The following SPOCK3 variants were observed in gnomAD, a reference collection of about 807,000 sequenced individuals.
SPOCK3 encodes SPARC (osteonectin), cwcv and kazal like domains proteoglycan 3.
In SPOCK3, 30 loss-of-function variants were observed where a neutral mutation model predicts 56.6. That is an observed-to-expected ratio of 0.53 (90% CI 0.40 to 0.72). The LOEUF is 0.72. Ranked by LOEUF, SPOCK3 falls within the 30% of genes least tolerant of loss-of-function variation. The pLI, the probability that SPOCK3 is intolerant of heterozygous loss-of-function variation, is 0.00. For missense variants in SPOCK3, 527 were observed against 530.0 expected (o/e 0.99, Z 0.06); for synonymous variants, 196 against 183.3 (o/e 1.07, Z -0.56).
chr4:167,006,739 C>A (rs1031998793), intron 3 of SPOCK3, among the ~76,000 whole-genome samples: 1 of 152,226 alleles, frequency 6.6e-6, no homozygotes, highest in Non-Finnish European at 1.5e-5. Context: ...TAATTTTTCA[C>A]TATTTTTAAA....
At chr4:166,830,475 G>C (rs574262448) in intron 6 of SPOCK3, among the ~76,000 whole-genome samples, 1 of 152,256 alleles carries the variant, frequency 6.6e-6, no homozygotes, top group Admixed American at 6.5e-5. Flanking sequence ...GCAGGGCGCA[G>C]TGTTTACTCC....
Position 166,812,027 on chromosome 4 carries a change from C to A in SPOCK3, c.590-19738G>T, listed in dbSNP as rs946640365. 2.0e-5 allele frequency among the ~76,000 whole-genome samples: 3 copies of A among 151,750 alleles called. No individual in the cohort carries two copies. In the South Asian group the frequency reaches 6.2e-4, roughly 31 times the overall value. On this transcript the variant is annotated intron_variant, in intron 6 of 10. Coordinates refer to ENST00000357545, the MANE Select transcript of SPOCK3 (RefSeq NM_001040159.2). ...TTGCTCATTTTGTTGCATACTTTAA[C>A]AAATATTTAATCGGAACATTAAAGA...
intron 5 of SPOCK3, among the ~76,000 whole-genome samples, chr4:166,899,508 C>CTTTCTTTTT (rs1553997547): frequency 3.4e-5 from 4 of 119,100 alleles, no homozygotes; most frequent in South Asian, 2.7e-4. Flanking sequence ...TTCTTTCTTT[C>CTTTCTTTTT]TTTTTTTTTT....
At chr4:166,876,781 T>C (rs1579508101) in intron 6 of SPOCK3, among the ~76,000 whole-genome samples, 1 of 152,234 alleles carries the variant, frequency 6.6e-6, no homozygotes. Flanking sequence ...ACATAAAATA[T>C]ATGTAGGTGA....
chr4:167,101,485 G>T (rs1478861455), intron 2 of SPOCK3, among the ~76,000 whole-genome samples: 1 of 151,782 alleles, frequency 6.6e-6, no homozygotes, highest in African/African-American at 2.4e-5. Flanking sequence ...TCAATGTATG[G>T]TTCTCTACAT....
At chr4:166,737,674 G>GAAGC in intron 9 of SPOCK3, 70 bp from the exon 10 acceptor site, 1 of 1,507,372 alleles carries the variant, frequency 6.6e-7, no homozygotes. Flanking sequence ...TCCTTTCTGA[G>GAAGC]AAGCACCCAT....
In SPOCK3 at chr4:166,943,354, G is replaced by A. The variant is rs559838365; in HGVS notation, c.351-30611C>T. On this transcript the variant is annotated intron_variant, in intron 4 of 10. Transcript: ENST00000357545. ...TCCCCAGGCAGTGAGAAAACACATT[G>A]AGCCATGCATATCTTCTGCAGGCAT... Among the ~76,000 whole-genome samples, 4 of 152,210 alleles carry A rather than the reference G, an allele frequency of 2.6e-5. 1 individual carries two copies. The highest frequency in any genetic ancestry group is 4.1e-4 in the South Asian group (2 of 4,824).
Position 167,094,123 on chromosome 4 carries a change from T to A in SPOCK3, c.190-31586A>T, listed in dbSNP as rs574432136. Among the ~76,000 whole-genome samples the A allele has an allele frequency of 9.2e-5, 14 of 152,204 alleles. No homozygotes were observed. The South Asian group carries it at 2.9e-3, about 32-fold the overall frequency. On this transcript the variant is annotated intron_variant, in intron 2 of 10. Transcript: ENST00000357545. ...CCCTGCAAATATTTTGTATTTAATA[T>A]CAAGTATAATACATGTGACAATACA...
intron 2 of SPOCK3, among the ~76,000 whole-genome samples, chr4:167,156,529 T>C (rs1215329428): frequency 6.6e-6 from 1 of 152,112 alleles, no homozygotes; most frequent in Non-Finnish European, 1.5e-5. Context: ...TGTGAAAAGA[T>C]AAACAACAGC....
At chr4:166,938,484 G>A (rs1212914506) in intron 4 of SPOCK3, among the ~76,000 whole-genome samples, 2 of 151,712 alleles carry the variant, frequency 1.3e-5, no homozygotes, top group Non-Finnish European at 3.0e-5. Flanking sequence ...AAAATGTTTA[G>A]TAGGTAATTG....
chr4:166,954,478 G>A (rs927195407), intron 4 of SPOCK3, among the ~76,000 whole-genome samples: 2 of 151,846 alleles, frequency 1.3e-5, no homozygotes, highest in African/African-American at 2.4e-5. Context: ...GTTTATTTTT[G>A]TATATATTGA....
At chr4:166,829,748 T>G (rs953271178) in intron 6 of SPOCK3, among the ~76,000 whole-genome samples, 1 of 152,138 alleles carries the variant, frequency 6.6e-6, no homozygotes, top group African/African-American at 2.4e-5. Flanking sequence ...TTAGATAATA[T>G]TGTGTAGCTT....
At chr4:167,119,656 C>A in intron 2 of SPOCK3, 1 of 596,798 alleles carries the variant, frequency 1.7e-6, no homozygotes, top group Non-Finnish European at 2.9e-6. Context: ...TGACATCAGT[C>A]ATAGACTTGT....
intron 4 of SPOCK3, among the ~76,000 whole-genome samples, chr4:166,968,270 T>C (rs570592245): frequency 2.2e-4 from 34 of 152,322 alleles, no homozygotes; most frequent in Non-Finnish European, 4.1e-4. Context: ...ATTTTCTGGG[T>C]TGCAAATCAA....
chr4:166,997,675 T>C (rs1189016706), intron 4 of SPOCK3, among the ~76,000 whole-genome samples: 4 of 152,162 alleles, frequency 2.6e-5, no homozygotes, highest in African/African-American at 9.6e-5. Flanking sequence ...AGATCAATGT[T>C]AGACAAACTA....
chr4:166,755,614 G>A (rs2126498229), intron 7 of SPOCK3, among the ~76,000 whole-genome samples: 1 of 152,160 alleles, frequency 6.6e-6, no homozygotes, highest in Admixed American at 6.6e-5. Context: ...CATTACAAGT[G>A]AAAGTAAACT....
rs879838436 is a variant in SPOCK3, at chr4:167,066,347, G to A, written c.190-3810C>T. Among the ~76,000 whole-genome samples, 10 of 151,790 alleles carry A rather than the reference G, an allele frequency of 6.6e-5. No individual in the cohort carries two copies. The South Asian group carries it at 1.0e-3, about 16-fold the overall frequency. ...CCTCTGCTTCTACTCATGAGATACCGGTGGGGATACTACTACAAGGTGTGA... is the reference window on the plus strand; with the variant it reads ...CCTCTGCTTCTACTCATGAGATACCAGTGGGGATACTACTACAAGGTGTGA... On this transcript the variant is annotated intron_variant, in intron 2 of 10. Coordinates refer to ENST00000357545, the MANE Select transcript of SPOCK3 (RefSeq NM_001040159.2).
At chr4:166,874,502 T>G (rs555077290) in intron 6 of SPOCK3, among the ~76,000 whole-genome samples, 1 of 152,296 alleles carries the variant, frequency 6.6e-6, no homozygotes, top group South Asian at 2.1e-4. Flanking sequence ...CAATTTGATC[T>G]TCACAAATAC....
intron 4 of SPOCK3, among the ~76,000 whole-genome samples, chr4:166,970,894 G>C (rs1273430370): frequency 1.3e-5 from 2 of 152,036 alleles, no homozygotes; most frequent in East Asian, 3.9e-4. Flanking sequence ...TTTGATTTTT[G>C]TTACTTTTGT....
Sources: allele counts gnomAD v4.1 joint callset (sites outside exome capture counted in the v4.1 genomes callset), GRCh38; gene constraint gnomAD v4.1.1; transcripts MANE v1.5; gene names NCBI Gene and HGNC (gene_info 2026-07-23, HGNC 2026-07-21).